CSNK2A2IP: variants seen among roughly 807,000 people sequenced by gnomAD.
CSNK2A2IP encodes the protein casein kinase II subunit alpha'-interacting protein.
the CSNK2A2IP span, among the ~76,000 whole-genome samples, chr3:88,388,912 T>C: frequency 1.6e-4 from 24 of 152,124 alleles, no homozygotes; most frequent in African/African-American, 5.5e-4. Flanking sequence ...GACTCATTCA[T>C]TTAACAAATA....
At chr3:88,396,104 C>CTTTT in the CSNK2A2IP span, among the ~76,000 whole-genome samples, 7 of 115,326 alleles carry the variant, frequency 6.1e-5, no homozygotes, top group South Asian at 3.0e-4. Flanking sequence ...CTACCTACTT[C>CTTTT]TTTTTTTTTT....
chr3:88,437,202 G>C, the CSNK2A2IP span, among the ~76,000 whole-genome samples: 54,734 of 151,982 alleles, frequency 0.36, 11,104 homozygotes, highest in Non-Finnish European at 0.47. Flanking sequence ...CATTTTTACA[G>C]TAGTGTCTGA....
At chr3:88,429,628 T>G in the CSNK2A2IP span, among the ~76,000 whole-genome samples, 3 of 152,200 alleles carry the variant, frequency 2.0e-5, no homozygotes, top group Admixed American at 2.0e-4. Context: ...GGGCCTGGAT[T>G]GCAGCTTTTC....
At chr3:88,378,824 T>A in the CSNK2A2IP span, among the ~76,000 whole-genome samples, 5 of 152,062 alleles carry the variant, frequency 3.3e-5, no homozygotes, top group African/African-American at 1.2e-4. Context: ...AAGTAAACAA[T>A]ACAATAAATA....
the CSNK2A2IP span, among the ~76,000 whole-genome samples, chr3:88,414,133 C>T: frequency 1.3e-5 from 2 of 150,414 alleles, no homozygotes; most frequent in African/African-American, 4.9e-5. Context: ...TCTTAAACTG[C>T]TGATAAAAGT....
the CSNK2A2IP span, among the ~76,000 whole-genome samples, chr3:88,400,882 A>G: frequency 6.6e-6 from 1 of 152,220 alleles, no homozygotes; most frequent in Non-Finnish European, 1.5e-5. Flanking sequence ...TAAAGATAGT[A>G]TGGTTCATGA....
chr3:88,453,368 T>C, the CSNK2A2IP span, among the ~76,000 whole-genome samples: 1 of 152,138 alleles, frequency 6.6e-6, no homozygotes, highest in Non-Finnish European at 1.5e-5. Context: ...TAGGTTGCTC[T>C]GGACTGAAAT....
At chr3:88,345,498 C>T in the CSNK2A2IP span, among the ~76,000 whole-genome samples, 1 of 151,980 alleles carries the variant, frequency 6.6e-6, no homozygotes. Context: ...GCCATTTTTT[C>T]ATCAGCACAT....
the CSNK2A2IP span, among the ~76,000 whole-genome samples, chr3:88,362,052 T>A: frequency 6.6e-6 from 1 of 152,162 alleles, no homozygotes; most frequent in Non-Finnish European, 1.5e-5. Flanking sequence ...TATTTTAAAT[T>A]TCTTATCTGA....
the CSNK2A2IP span, among the ~76,000 whole-genome samples, chr3:88,413,678 A>C: frequency 2.6e-5 from 4 of 151,934 alleles, no homozygotes; most frequent in African/African-American, 9.7e-5. Context: ...CAGAGCTGTT[A>C]ACAAATCATA....
the CSNK2A2IP span, among the ~76,000 whole-genome samples, chr3:88,354,262 C>G: frequency 6.6e-6 from 1 of 152,134 alleles, no homozygotes; most frequent in Non-Finnish European, 1.5e-5. Context: ...TAGACTAATA[C>G]AATCCACTTT....
chr3:88,438,428 C>T, the CSNK2A2IP span, among the ~76,000 whole-genome samples: 1 of 152,254 alleles, frequency 6.6e-6, no homozygotes, highest in Non-Finnish European at 1.5e-5. Flanking sequence ...AGGTGGGTCA[C>T]ATTTTATGGC....
At chr3:88,439,712 A>G in the CSNK2A2IP span, among the ~76,000 whole-genome samples, 1 of 145,462 alleles carries the variant, frequency 6.9e-6, no homozygotes, top group Non-Finnish European at 1.5e-5. Context: ...ACAGCACTCC[A>G]GCCTAGCGAC....
chr3:88,427,518 A>C, the CSNK2A2IP span, among the ~76,000 whole-genome samples: 1 of 152,200 alleles, frequency 6.6e-6, no homozygotes, highest in Non-Finnish European at 1.5e-5. Context: ...CTCCCATCAC[A>C]GGCCTGGGGG....
At chr3:88,440,047 A>T in the CSNK2A2IP span, among the ~76,000 whole-genome samples, 5 of 152,338 alleles carry the variant, frequency 3.3e-5, no homozygotes, top group Admixed American at 3.3e-4. Flanking sequence ...TTGGGGACTC[A>T]GTTTCCCCAT....
chr3:88,426,025 C>G, the CSNK2A2IP span, among the ~76,000 whole-genome samples: 1 of 152,128 alleles, frequency 6.6e-6, no homozygotes, highest in East Asian at 1.9e-4. Context: ...AAGAATATAT[C>G]AGCTACAGTT....
At chr3:88,384,017 A>G in the CSNK2A2IP span, among the ~76,000 whole-genome samples, 5 of 152,090 alleles carry the variant, frequency 3.3e-5, no homozygotes, top group African/African-American at 1.2e-4. Context: ...AGAATATAGA[A>G]TATAATAACT....
the CSNK2A2IP span, chr3:88,382,690 A>T: frequency 6.6e-6 from 1 of 152,316 alleles, no homozygotes; most frequent in Non-Finnish European, 1.5e-5. Context: ...AGATTTGAAT[A>T]AGAAAGATGC....
the CSNK2A2IP span, among the ~76,000 whole-genome samples, chr3:88,366,176 T>C: frequency 6.6e-6 from 1 of 152,274 alleles, no homozygotes; most frequent in South Asian, 2.1e-4. Flanking sequence ...CTCCAGCACT[T>C]TGAGGTCCCA....
Sources: allele counts gnomAD v4.1 joint callset (sites outside exome capture counted in the v4.1 genomes callset), GRCh38; gene constraint gnomAD v4.1.1; transcripts MANE v1.5; gene names NCBI Gene and HGNC (gene_info 2026-07-23, HGNC 2026-07-21).